Variants in COL4A1 observed in about 807,000 individuals in gnomAD.
COL4A1 encodes collagen alpha-1(IV) chain.
In COL4A1, 40 loss-of-function variants were observed where a neutral mutation model predicts 216.6. The ratio of observed to expected loss-of-function variants is 0.18; its 90% CI spans 0.14 to 0.24. The LOEUF (loss-of-function observed/expected upper bound fraction) is 0.24. COL4A1 is among the 10% of genes least tolerant of loss of function. The probability of loss-of-function intolerance (pLI) is 1.00; values close to 1 mark genes in which losing one functional copy is unlikely to be tolerated. For synonymous variants in COL4A1, 839 were observed against 810.7 expected (o/e 1.03, Z -0.59); for missense variants, 1,628 against 2,196.8 (o/e 0.74, Z 5.18).
At chr13:110,277,925 T>C (rs1162884337) in intron 1 of COL4A1, among the ~76,000 whole-genome samples, 1 of 152,254 alleles carries the variant, frequency 6.6e-6, no homozygotes, top group African/African-American at 2.4e-5. Flanking sequence ...AATTATTAAG[T>C]AACCCATGCT....
intron 17 of COL4A1, among the ~76,000 whole-genome samples, chr13:110,204,262 T>C (rs1879385853): frequency 6.6e-6 from 1 of 152,196 alleles, no homozygotes; most frequent in African/African-American, 2.4e-5. Context: ...ATGTATATAT[T>C]TTCCTTTTAA....
At chr13:110,178,004 G>A (rs1877959430) in intron 32 of COL4A1, 60 bp downstream of exon 32, 1 of 1,613,868 alleles carries the variant, frequency 6.2e-7, no homozygotes, top group Admixed American at 1.7e-5. Context: ...GTCATAAAAA[G>A]AATAAGGTGA....
chr13:110,306,792 C>CGAT, intron 1 of COL4A1, 152 bp downstream of exon 1: 1 of 606,690 alleles, frequency 1.6e-6, no homozygotes, highest in Non-Finnish European at 2.6e-6. Context: ...CTACAGGGAC[C>CGAT]CCCAACGAAC....
At chr13:110,222,390 G>T (rs1880528739) in intron 2 of COL4A1, among the ~76,000 whole-genome samples, 1 of 152,140 alleles carries the variant, frequency 6.6e-6, no homozygotes, top group African/African-American at 2.4e-5. Context: ...GAGTCTCCGT[G>T]GGCTGCAGCT....
chr13:110,150,160 G>C lies in COL4A1; in HGVS notation c.*203C>G, dbSNP rs1348055506. 7.9e-6 allele frequency: 5 copies of C among 633,954 alleles called. No homozygotes were observed. Among genetic ancestry groups the C allele is most frequent in the Non-Finnish European group, 1.4e-5 (5 of 349,886 alleles). 39.3% of individuals were successfully genotyped at this position (633,954 alleles called of 1,614,324 possible). A position where few individuals can be genotyped will look rare whatever the true frequency, so the allele number is the denominator to read the frequency against. ...AAGTGCCATTTGGTATGCCACTATT[G>C]AAAGCTTATCGCTGTCTTTTTCTCC... On this transcript the variant is annotated 3_prime_UTR_variant, in exon 52 of 52. Coordinates refer to ENST00000375820, the MANE Select transcript of COL4A1 (RefSeq NM_001845.6).
intron 2 of COL4A1, among the ~76,000 whole-genome samples, chr13:110,216,113 C>A (rs7994305): frequency 0.21 from 32,117 of 152,208 alleles, 3,824 homozygotes; most frequent in Admixed American, 0.26. Context: ...CAGCAGCATC[C>A]AGGGAGTCGG....
chr13:110,191,719 C>G, intron 24 of COL4A1: 1 of 652,242 alleles, frequency 1.5e-6, no homozygotes, highest in South Asian at 1.7e-5. Flanking sequence ...TTCTAATCCT[C>G]AGAGGCAAAC....
intron 12 of COL4A1, among the ~76,000 whole-genome samples, chr13:110,208,141 G>A (rs1011495123): frequency 6.6e-6 from 1 of 152,202 alleles, no homozygotes; most frequent in African/African-American, 2.4e-5. Context: ...TACAGCAATG[G>A]CAGGCATCCC....
At chr13:110,273,538 GA>G (rs1488189029) in intron 1 of COL4A1, among the ~76,000 whole-genome samples, 2 of 152,208 alleles carry the variant, frequency 1.3e-5, no homozygotes, top group African/African-American at 4.8e-5. Flanking sequence ...CAGATCCTAG[GA>G]CAGAGTCTGT....
chr13:110,215,800 C>T (rs1318580486), intron 2 of COL4A1, among the ~76,000 whole-genome samples: 2 of 152,192 alleles, frequency 1.3e-5, no homozygotes, highest in African/African-American at 4.8e-5. Flanking sequence ...CGACAAGCTA[C>T]ACACCACATA....
rs544300625 is a variant in COL4A1, at chr13:110,183,190, G to A, written c.1984C>T (p.Pro662Ser). 1.2e-6 allele frequency: 2 copies of A among 1,613,886 alleles called. No homozygotes were observed. The highest frequency in any genetic ancestry group is 1.3e-5 in the African/African-American group (1 of 75,056). Reference protein sequence around the residue: ...GLPGSPGFPGPQGDRGFPGTP... With the variant: ...GLPGSPGFPGSQGDRGFPGTP... ...GCTGGAATTCCAATCGTACCTTGGG[G>A]ACCTGGGAAGCCTGGGGACCCCGGC... The change falls in exon 27 of 52, where the codon CCC (proline) becomes TCC (serine). Residue 662 changes from proline to serine, a missense_variant. Physicochemically the swap from Pro to Ser is moderately conservative, Grantham distance 74. This residue lies in a region of COL4A1 where 701 missense variants were observed against 892.5 expected (regional missense o/e 0.79). Coordinates refer to ENST00000375820, the MANE Select transcript of COL4A1 (RefSeq NM_001845.6).
chr13:110,288,121 A>G (rs1034069111), intron 1 of COL4A1, among the ~76,000 whole-genome samples: 2 of 151,656 alleles, frequency 1.3e-5, no homozygotes, highest in Non-Finnish European at 2.9e-5. Flanking sequence ...AAAATTACCC[A>G]GGAGTGGTGG....
intron 24 of COL4A1, 95 bp from the exon 25 acceptor site, chr13:110,187,424 CCTT>C: frequency 2.1e-6 from 3 of 1,433,412 alleles, no homozygotes; most frequent in Non-Finnish European, 1.9e-6. Flanking sequence ...CAAGAAGCCA[CCTT>C]CTTGAAAATG....
rs191620431 is a variant in COL4A1, at chr13:110,155,265, G to A, written c.4755+18C>T. 3.2e-3 allele frequency: 5,076 copies of A among 1,583,486 alleles called. 34 individuals carry two copies. The highest frequency in any genetic ancestry group is 3.0e-3 in the East Asian group (136 of 44,752). On this transcript the variant is annotated intron_variant, in intron 50 of 51. Coordinates refer to ENST00000375820, the MANE Select transcript of COL4A1 (RefSeq NM_001845.6). ...TGGGGCTCTTCCCGGGAAATATGGC[G>A]TCTCCCCAGACACTTACCATCACAA...
intron 5 of COL4A1, 26 bp from the exon 6 acceptor site, chr13:110,212,505 A>G (rs1413260601): frequency 6.2e-7 from 1 of 1,614,250 alleles, no homozygotes; most frequent in Admixed American, 1.7e-5. Flanking sequence ...TGAAAATGTA[A>G]CCCAGGCAGA....
chr13:110,294,590 A>T (rs1373521541), intron 1 of COL4A1, among the ~76,000 whole-genome samples: 1 of 152,216 alleles, frequency 6.6e-6, no homozygotes, highest in Admixed American at 6.5e-5. Context: ...AATTGGAACA[A>T]CTCAATGTCT....
intron 6 of COL4A1, 125 bp from the exon 7 acceptor site, chr13:110,212,047 T>G (rs1420246642): frequency 3.9e-6 from 4 of 1,033,422 alleles, no homozygotes; most frequent in Non-Finnish European, 6.1e-6. Flanking sequence ...AAAAACAGTT[T>G]GTCACAAGCT....
At chr13:110,252,723 AATT>A (rs1394119750) in intron 1 of COL4A1, among the ~76,000 whole-genome samples, 2 of 139,716 alleles carry the variant, frequency 1.4e-5, no homozygotes, top group Non-Finnish European at 3.0e-5. Context: ...TTATACATAT[AATT>A]ATAAGTATGT....
intron 18 of COL4A1, among the ~76,000 whole-genome samples, chr13:110,203,150 T>C (rs911108072): frequency 2.0e-5 from 3 of 151,908 alleles, no homozygotes; most frequent in Non-Finnish European, 4.4e-5. Context: ...GAGGCAGAGG[T>C]TGCAGTGAGC....
Sources: gnomAD v4.1 joint callset for allele counts (sites outside exome capture counted in the v4.1 genomes callset) on GRCh38, gnomAD v4.1.1 for gene constraint, gnomAD v4.1.1 regional missense constraint, MANE v1.5 for transcripts, NCBI Gene and HGNC (gene_info 2026-07-23, HGNC 2026-07-21) for gene names.